TAOK3: variants seen among roughly 807,000 people sequenced by gnomAD.
TAOK3 encodes serine/threonine-protein kinase TAO3.
TAOK3 carries 40 observed loss-of-function variants against 120.4 expected under a neutral mutation model. That is an observed-to-expected ratio of 0.33 (90% CI 0.26 to 0.43). The LOEUF is 0.43. Ranked by LOEUF, TAOK3 falls within the 20% of genes least tolerant of loss-of-function variation. TAOK3 has a pLI of 1.00. For synonymous variants in TAOK3, 355 were observed against 387.5 expected (o/e 0.92, Z 0.99); for missense variants, 821 against 1,112.1 (o/e 0.74, Z 3.72).
At chr12:118,190,066 G>C in intron 13 of TAOK3, 125 bp from the exon 14 acceptor site, 10 of 1,241,078 alleles carry the variant, frequency 8.1e-6, no homozygotes, top group Non-Finnish European at 1.0e-5. Flanking sequence ...CTCTCTGCTA[G>C]TCCCCGCAGC....
At chr12:118,275,460 A>G (rs539203349) in intron 1 of TAOK3, among the ~76,000 whole-genome samples, 1 of 152,298 alleles carries the variant, frequency 6.6e-6, no homozygotes, top group African/African-American at 2.4e-5. Flanking sequence ...TTATGCCCCA[A>G]TATTCTGTTA....
intron 13 of TAOK3, among the ~76,000 whole-genome samples, chr12:118,191,891 G>T (rs1309439953): frequency 6.6e-6 from 1 of 152,134 alleles, no homozygotes. Flanking sequence ...TTTTATAGGA[G>T]GCTTTAACAA....
intron 11 of TAOK3, among the ~76,000 whole-genome samples, chr12:118,207,096 G>A (rs1426793390): frequency 1.3e-5 from 2 of 152,114 alleles, no homozygotes; most frequent in Non-Finnish European, 2.9e-5. Flanking sequence ...GGAGGCCGAG[G>A]AGGGTGGATC....
chr12:118,197,653 C>T lies in TAOK3; in HGVS notation c.1194+1398G>A, dbSNP rs112709712. Among the ~76,000 whole-genome samples the T allele has an allele frequency of 6.8e-3, 1,038 of 151,676 alleles. 15 individuals are homozygous for T. Among genetic ancestry groups the T allele is most frequent in the African/African-American group, 0.024 (1,006 of 41,336 alleles). ...GACCTGTCAGCACTCATGATCACTC[C>T]CTCCAAAAAGACAGCCCAGCAAAAC... On this transcript the variant is annotated intron_variant, in intron 13 of 20. Transcript: ENST00000392533.
intron 9 of TAOK3, among the ~76,000 whole-genome samples, chr12:118,233,420 AATAAATAAATAAATAC>A (rs1418423132): frequency 8.3e-6 from 1 of 120,026 alleles, no homozygotes; most frequent in Non-Finnish European, 2.1e-5. Flanking sequence ...AAAAAATTAA[AATAAATAAATAAATAC>A]ATAAATAAAT....
chr12:118,248,962 T>C (rs1009484626), intron 3 of TAOK3, among the ~76,000 whole-genome samples: 1 of 152,092 alleles, frequency 6.6e-6, no homozygotes, highest in African/African-American at 2.4e-5. Flanking sequence ...AGTCAAAACA[T>C]GCTAGATAGA....
chr12:118,242,272 A>G (rs183556964), intron 5 of TAOK3, among the ~76,000 whole-genome samples: 1 of 152,292 alleles, frequency 6.6e-6, no homozygotes, highest in Admixed American at 6.5e-5. Flanking sequence ...ACAATGAGAT[A>G]TGTCTTTGAT....
chr12:118,210,988 T>C (rs2038600558), intron 11 of TAOK3, among the ~76,000 whole-genome samples: 2 of 152,160 alleles, frequency 1.3e-5, no homozygotes, highest in African/African-American at 4.8e-5. Context: ...CCTCCCACCT[T>C]GGCCTCCCAA....
chr12:118,363,523 A>G (rs1383681600), intron 1 of TAOK3, among the ~76,000 whole-genome samples: 2 of 152,182 alleles, frequency 1.3e-5, no homozygotes, highest in African/African-American at 4.8e-5. Flanking sequence ...GTAATAAGAA[A>G]AAGTACAAAT....
rs753690696 is a variant in TAOK3, at chr12:118,150,851, C to G, written c.*146G>C. On this transcript the variant is annotated 3_prime_UTR_variant, in exon 21 of 21. Coordinates refer to ENST00000392533, the MANE Select transcript of TAOK3 (RefSeq NM_016281.4). Reference sequence around the variant, plus strand: ...CTGATGGAGTAAGAATAAACAGGCACTAGTCCGACACGATGTCAGTAAGAG... The same window carrying G: ...CTGATGGAGTAAGAATAAACAGGCAGTAGTCCGACACGATGTCAGTAAGAG... 41 of 905,194 alleles carry G rather than the reference C, an allele frequency of 4.5e-5. No individual in the cohort carries two copies. Among genetic ancestry groups the G allele is most frequent in the Non-Finnish European group, 6.5e-5 (40 of 619,474 alleles). The allele number at this position is 905,194 out of a possible 1,614,324, so 56.1% of individuals were successfully genotyped here. A position where few individuals can be genotyped will look rare whatever the true frequency, so the allele number is the denominator to read the frequency against.
Position 118,255,636 on chromosome 12 carries a change from G to T in TAOK3, c.-69C>A, listed in dbSNP as rs1280968936. 6.7e-7 allele frequency: 1 copy of T among 1,497,198 alleles called. No individual in the cohort carries two copies. The highest frequency in any genetic ancestry group is 2.3e-5 in the East Asian group (1 of 42,722). 92.7% of individuals were successfully genotyped at this position (1,497,198 alleles called of 1,614,324 possible). Reference sequence around the variant, plus strand: ...TTATTTCTCATTGACAATTTTTTTTGGGGGGTAAATCTTCAGTACCTGTAG... The same window carrying T: ...TTATTTCTCATTGACAATTTTTTTTTGGGGGTAAATCTTCAGTACCTGTAG... On this transcript the variant is annotated 5_prime_UTR_variant, in exon 3 of 21. Coordinates refer to ENST00000392533, the MANE Select transcript of TAOK3 (RefSeq NM_016281.4).
chr12:118,275,963 C>A (rs1044377912), intron 1 of TAOK3, among the ~76,000 whole-genome samples: 1 of 151,452 alleles, frequency 6.6e-6, no homozygotes, highest in African/African-American at 2.4e-5. Context: ...CTCCAGAAAA[C>A]GCCAGAAGGC....
At chr12:118,193,603 C>T (rs931861306) in intron 13 of TAOK3, among the ~76,000 whole-genome samples, 57 of 151,928 alleles carry the variant, frequency 3.8e-4, no homozygotes, top group African/African-American at 1.4e-3. Flanking sequence ...CCTAGAGTTT[C>T]TTTTTCTAAA....
At chr12:118,182,626 T>A (rs61138585) in intron 14 of TAOK3, among the ~76,000 whole-genome samples, 1,949 of 137,408 alleles carry the variant, frequency 0.014, 23 homozygotes, top group African/African-American at 0.037. Flanking sequence ...TATATATATT[T>A]TTTTTTTTTT....
chr12:118,311,448 G>C (rs976621889), intron 1 of TAOK3, among the ~76,000 whole-genome samples: 1 of 152,014 alleles, frequency 6.6e-6, no homozygotes, highest in Admixed American at 6.6e-5. Flanking sequence ...GTGACAGAGA[G>C]AGACTCTGTC....
At chr12:118,352,534 A>G (rs932214470) in intron 1 of TAOK3, among the ~76,000 whole-genome samples, 2 of 152,022 alleles carry the variant, frequency 1.3e-5, no homozygotes, top group Admixed American at 1.3e-4. Flanking sequence ...ATATACACAT[A>G]TATATACACA....
chr12:118,278,203 T>C lies in TAOK3; in HGVS notation c.-193-11444A>G, dbSNP rs540931430. On this transcript the variant is annotated intron_variant, in intron 1 of 20. Coordinates refer to ENST00000392533, the MANE Select transcript of TAOK3 (RefSeq NM_016281.4). ...TGTGCAGGTTTGTTATATAGGTACATTGCACAGGGGTTTGGTGTACAGATT... is the reference window on the plus strand; with the variant it reads ...TGTGCAGGTTTGTTATATAGGTACACTGCACAGGGGTTTGGTGTACAGATT... 3.3e-5 allele frequency among the ~76,000 whole-genome samples: 5 copies of C among 152,250 alleles called. No homozygotes were observed. In the South Asian group the frequency reaches 1.0e-3, roughly 32 times the overall value.
At chr12:118,217,816 C>CATATATATATATATAT (rs57197721) in intron 9 of TAOK3, among the ~76,000 whole-genome samples, 1 of 45,990 alleles carries the variant, frequency 2.2e-5, no homozygotes, top group Non-Finnish European at 3.9e-5. Flanking sequence ...TGTGTGTATA[C>CATATATATATATATAT]ATATATATAT....
intron 11 of TAOK3, among the ~76,000 whole-genome samples, chr12:118,207,345 AG>A (rs2038380258): frequency 6.6e-6 from 1 of 151,242 alleles, no homozygotes; most frequent in Admixed American, 6.6e-5. Context: ...AAAAAAAAAA[AG>A]AAAGAAAATC....
Sources: gnomAD v4.1 joint callset for allele counts (sites outside exome capture counted in the v4.1 genomes callset) on GRCh38, gnomAD v4.1.1 for gene constraint, MANE v1.5 for transcripts, NCBI Gene and HGNC (gene_info 2026-07-23, HGNC 2026-07-21) for gene names.